Variants in RAB11FIP2 observed in about 807,000 individuals in gnomAD.
The protein encoded by RAB11FIP2 is rab11 family-interacting protein 2.
In RAB11FIP2, 16 loss-of-function variants were observed where a neutral mutation model predicts 40.9. The ratio of observed to expected loss-of-function variants is 0.39; its 90% CI spans 0.26 to 0.59. The LOEUF (loss-of-function observed/expected upper bound fraction) is 0.59, where lower values mean the gene tolerates loss of function less well. Ranked by LOEUF, RAB11FIP2 falls within the 20% of genes least tolerant of loss-of-function variation. The probability of loss-of-function intolerance (pLI) is 0.53; values close to 1 mark genes in which losing one functional copy is unlikely to be tolerated. For missense variants in RAB11FIP2, 532 were observed against 606.2 expected (o/e 0.88, Z 1.28); for synonymous variants, 228 against 213.7 (o/e 1.07, Z -0.58).
intron 3 of RAB11FIP2, among the ~76,000 whole-genome samples, chr10:118,024,301 G>A (rs1846315853): frequency 6.6e-6 from 1 of 151,896 alleles, no homozygotes. Context: ...AAACTCAGAT[G>A]AATTTTTGCA....
intron 4 of RAB11FIP2, among the ~76,000 whole-genome samples, chr10:118,012,235 T>C (rs1213060548): frequency 6.6e-6 from 1 of 151,944 alleles, no homozygotes; most frequent in Admixed American, 6.6e-5. Context: ...TTTTTTTCCT[T>C]ACAACAATCT....
chr10:118,022,931 G>A lies in RAB11FIP2; in HGVS notation c.1266-7821C>T, dbSNP rs114382608. On this transcript the variant is annotated intron_variant, in intron 3 of 4. Transcript: ENST00000355624. The stretch of plus-strand genomic sequence containing the variant: ...CAAGATACCAAGTCCCCAAAGAGTG[G>A]AAGAAATAATCTTCCTGAATAAGAA... Among the ~76,000 whole-genome samples, 790 of 152,290 alleles carry A rather than the reference G, an allele frequency of 5.2e-3. 7 individuals carry two copies. Among genetic ancestry groups the A allele is most frequent in the African/African-American group, 0.018 (761 of 41,562 alleles).
chr10:118,014,504 C>A (rs1846193144), intron 4 of RAB11FIP2, among the ~76,000 whole-genome samples: 1 of 152,074 alleles, frequency 6.6e-6, no homozygotes, highest in Non-Finnish European at 1.5e-5. Flanking sequence ...CTGAATAATC[C>A]TTGCAAAATA....
intron 3 of RAB11FIP2, among the ~76,000 whole-genome samples, chr10:118,036,776 C>T (rs1352486641): frequency 6.6e-6 from 1 of 151,948 alleles, no homozygotes; most frequent in Non-Finnish European, 1.5e-5. Context: ...TTTTTACATA[C>T]TTGCAATCAT....
intron 3 of RAB11FIP2, among the ~76,000 whole-genome samples, chr10:118,025,538 C>T (rs1846332412): frequency 6.6e-6 from 1 of 152,188 alleles, no homozygotes; most frequent in Admixed American, 6.5e-5. Flanking sequence ...GGCATTATTA[C>T]GTATATAACA....
chr10:118,019,934 A>G (rs1429278315), intron 3 of RAB11FIP2, among the ~76,000 whole-genome samples: 6 of 152,200 alleles, frequency 3.9e-5, no homozygotes, highest in African/African-American at 1.4e-4. Flanking sequence ...AAAAGGAGGA[A>G]AAGAGAAACA....
chr10:118,027,395 T>A (rs1846356352), intron 3 of RAB11FIP2, among the ~76,000 whole-genome samples: 1 of 152,248 alleles, frequency 6.6e-6, no homozygotes, highest in Non-Finnish European at 1.5e-5. Flanking sequence ...GTGAATCAAA[T>A]GTACTTTCTG....
chr10:118,037,579 C>G (rs1345385793), intron 3 of RAB11FIP2, among the ~76,000 whole-genome samples: 1 of 151,964 alleles, frequency 6.6e-6, no homozygotes, highest in African/African-American at 2.4e-5. Context: ...TGGGGCCTGG[C>G]TTTGTATTAT....
At chr10:118,043,290 T>G (rs1435481897) in intron 1 of RAB11FIP2, among the ~76,000 whole-genome samples, 3 of 152,100 alleles carry the variant, frequency 2.0e-5, no homozygotes, top group African/African-American at 7.2e-5. Flanking sequence ...CTCTACAGAC[T>G]CTGGTTGTTA....
At chr10:118,038,799 G>T (rs192165717) in intron 3 of RAB11FIP2, 173 bp downstream of exon 3, 3 of 552,788 alleles carry the variant, frequency 5.4e-6, no homozygotes, top group African/African-American at 2.0e-5. Flanking sequence ...AAAAAGTTCA[G>T]TTCCAAAAAT....
rs1303393816 is a variant in RAB11FIP2 at position 118,007,085 on chromosome 10, A to G, written c.*1913T>C. On this transcript the variant is annotated 3_prime_UTR_variant, in exon 5 of 5. Coordinates refer to ENST00000355624, the MANE Select transcript of RAB11FIP2 (RefSeq NM_014904.3). ...ATTTTCACATTTTAAGAAGTGTATG[A>G]AAAGACTCAATAATACTACCAGACA... 6.6e-6 allele frequency: 1 copy of G among 152,252 alleles called. No homozygotes were observed. The highest frequency in any genetic ancestry group is 1.5e-5 in the Non-Finnish European group (1 of 67,852). The allele number at this position is 152,252 out of a possible 1,614,324, so 9.4% of individuals were successfully genotyped here. A position where few individuals can be genotyped will look rare whatever the true frequency, so the allele number is the denominator to read the frequency against.
chr10:118,021,093 C>A (rs184362892), intron 3 of RAB11FIP2, among the ~76,000 whole-genome samples: 1 of 152,130 alleles, frequency 6.6e-6, no homozygotes, highest in Non-Finnish European at 1.5e-5. Flanking sequence ...TACACACACA[C>A]ACAAACTCCT....
intron 3 of RAB11FIP2, among the ~76,000 whole-genome samples, chr10:118,023,099 A>C (rs1846300723): frequency 6.6e-6 from 1 of 152,246 alleles, no homozygotes; most frequent in Non-Finnish European, 1.5e-5. Flanking sequence ...GAATCAATTC[A>C]ATTAGCCAGT....
intron 4 of RAB11FIP2, among the ~76,000 whole-genome samples, chr10:118,010,907 C>A (rs191849956): frequency 2.6e-5 from 4 of 151,694 alleles, no homozygotes; most frequent in African/African-American, 9.7e-5. Context: ...TACAGGACAG[C>A]GAGCAGACAG....
chr10:118,009,960 T>C (rs1589636060), intron 4 of RAB11FIP2, among the ~76,000 whole-genome samples: 1 of 152,168 alleles, frequency 6.6e-6, no homozygotes, highest in East Asian at 1.9e-4. Context: ...TTCTCTCCCA[T>C]TTCATCTATT....
chr10:118,010,907 C>T (rs191849956), intron 4 of RAB11FIP2, among the ~76,000 whole-genome samples: 15 of 151,812 alleles, frequency 9.9e-5, no homozygotes, highest in South Asian at 6.3e-4. Context: ...TACAGGACAG[C>T]GAGCAGACAG....
chr10:118,043,766 T>C (rs1415999316), intron 1 of RAB11FIP2, among the ~76,000 whole-genome samples: 4 of 152,204 alleles, frequency 2.6e-5, no homozygotes. Context: ...GGGAATATGC[T>C]GAAAAAGTTT....
At chr10:118,038,018 T>C (rs1239082684) in intron 3 of RAB11FIP2, among the ~76,000 whole-genome samples, 2 of 152,024 alleles carry the variant, frequency 1.3e-5, no homozygotes, top group African/African-American at 2.4e-5. Flanking sequence ...TTTTCATTAC[T>C]ATATTGTTAT....
At position 118,006,331 on chromosome 10, in the gene RAB11FIP2, A is replaced by G. The variant is rs1778481234; in HGVS notation, c.*2667T>C. ...ATAAATATCAATTCTGTGATTTTAA[A>G]AAATCCTCTTGTTGGTAGTAGTGTT... On this transcript the variant is annotated 3_prime_UTR_variant, in exon 5 of 5. Transcript: ENST00000355624. The G allele has an allele frequency of 6.6e-6, 1 of 152,598 alleles. No individual in the cohort carries two copies. Among genetic ancestry groups the G allele is most frequent in the Non-Finnish European group, 1.5e-5 (1 of 67,996 alleles). 9.5% of individuals were successfully genotyped at this position (152,598 alleles called of 1,614,324 possible). A position where few individuals can be genotyped will look rare whatever the true frequency, so the allele number is the denominator to read the frequency against.
Sources: allele counts gnomAD v4.1 joint callset (sites outside exome capture counted in the v4.1 genomes callset), GRCh38; gene constraint gnomAD v4.1.1; transcripts MANE v1.5; gene names NCBI Gene and HGNC (gene_info 2026-07-23, HGNC 2026-07-21).